KLHL29: variants seen among roughly 807,000 people sequenced by gnomAD.
KLHL29 encodes the protein kelch-like protein 29.
A neutral mutation model predicts 80.4 loss-of-function variants in KLHL29; 21 were observed. That is an observed-to-expected ratio of 0.26 (90% CI 0.19 to 0.38). The LOEUF is 0.38. Among genes scored for constraint, KLHL29 ranks in the 10% least tolerant of loss-of-function variants. The pLI, the probability that KLHL29 is intolerant of heterozygous loss-of-function variation, is 1.00. For synonymous variants in KLHL29, 511 were observed against 526.8 expected, an observed-to-expected ratio of 0.97 and a Z score of 0.41; for missense variants, 867 against 1,223.9, an observed-to-expected ratio of 0.71 and a Z score of 4.35.
chr2:23,636,655 G>A (rs942508426), intron 3 of KLHL29, among the ~76,000 whole-genome samples: 7 of 152,202 alleles, frequency 4.6e-5, no homozygotes, highest in Non-Finnish European at 7.3e-5. Flanking sequence ...GGTCACCCGT[G>A]TCCCTAGTGC....
intron 3 of KLHL29, among the ~76,000 whole-genome samples, chr2:23,632,355 C>T (rs1423157682): frequency 6.6e-6 from 1 of 152,268 alleles, no homozygotes; most frequent in Non-Finnish European, 1.5e-5. Context: ...TTCACCTTTG[C>T]AGTGCAAGAG....
chr2:23,435,251 A>AT (rs1356387622), intron 1 of KLHL29, among the ~76,000 whole-genome samples: 1 of 152,152 alleles, frequency 6.6e-6, no homozygotes, highest in Admixed American at 6.5e-5. Flanking sequence ...ACAGAGTCAG[A>AT]TTTTAGATGA....
intron 1 of KLHL29, among the ~76,000 whole-genome samples, chr2:23,400,919 A>T (rs140609445): frequency 6.6e-6 from 1 of 152,334 alleles, no homozygotes; most frequent in East Asian, 1.9e-4. Context: ...ACATGATGCA[A>T]TCATAGGCAA....
chr2:23,519,170 G>T (rs1047464090), intron 2 of KLHL29, among the ~76,000 whole-genome samples: 1 of 152,104 alleles, frequency 6.6e-6, no homozygotes, highest in Non-Finnish European at 1.5e-5. Context: ...GCCACCAAGC[G>T]GGGACAGCCT....
intron 2 of KLHL29, among the ~76,000 whole-genome samples, chr2:23,540,444 T>G (rs1666799270): frequency 6.6e-6 from 1 of 152,250 alleles, no homozygotes; most frequent in Non-Finnish European, 1.5e-5. Context: ...TGGCTAGTGC[T>G]GGTCCACATT....
Position 23,695,600 on chromosome 2 carries a change from A to G in KLHL29, c.1543-23A>G. On this transcript the variant is annotated intron_variant, in intron 8 of 13. Transcript: ENST00000486442. The surrounding 1 kb of genome is among the most constrained non-coding windows in gnomAD (Gnocchi z 7.6). ...GGCTCTCTCTTGCTAGTCTAAGAAG[A>G]TTCTGTCTCCTGTACCCTGCAGTAC... is the stretch of plus-strand genomic sequence containing the variant. 2.6e-6 allele frequency: 4 copies of G among 1,512,918 alleles called. No homozygotes were observed. Among genetic ancestry groups the G allele is most frequent in the Non-Finnish European group, 3.6e-6 (4 of 1,125,394 alleles). 93.7% of individuals were successfully genotyped at this position (1,512,918 alleles called of 1,614,324 possible).
chr2:23,409,935 G>A (rs768860636), intron 1 of KLHL29, among the ~76,000 whole-genome samples: 2 of 152,190 alleles, frequency 1.3e-5, no homozygotes, highest in African/African-American at 2.4e-5. Context: ...GGGTGAGCTG[G>A]GGAAGGAGCA....
intron 1 of KLHL29, among the ~76,000 whole-genome samples, chr2:23,449,773 C>T (rs181772914): frequency 1.5e-3 from 230 of 152,248 alleles, no homozygotes; most frequent in African/African-American, 5.2e-3. Flanking sequence ...AATGTTTAAC[C>T]TCTCCAATGG....
In KLHL29 at chr2:23,639,150, C is replaced by A. The variant is rs1031319374; in HGVS notation, c.297C>A (p.Ile99=). The change falls in exon 4 of 14, where the codon ATC becomes ATA. Residue 99 remains isoleucine (I), a synonymous_variant. Coordinates refer to ENST00000486442, the MANE Select transcript of KLHL29 (RefSeq NM_052920.2). Reference sequence around the variant, plus strand: ...TCTGCTTCCCACAGGCTCCCGGCATCTCCAAAGGGGACAGTCAGTCCCAGG... The same window carrying A: ...TCTGCTTCCCACAGGCTCCCGGCATATCCAAAGGGGACAGTCAGTCCCAGG... ...ASAVTTKAPG[I]SKGDSQSQGL... is the part of the protein sequence containing the mutation. The A allele has an allele frequency of 1.4e-5, 21 of 1,534,498 alleles. No homozygotes were observed. Among genetic ancestry groups the A allele is most frequent in the Non-Finnish European group, 1.8e-5 (21 of 1,141,406 alleles).
chr2:23,584,644 C>G (rs1044008995), intron 3 of KLHL29, among the ~76,000 whole-genome samples: 1 of 152,126 alleles, frequency 6.6e-6, no homozygotes, highest in African/African-American at 2.4e-5. Context: ...GAGGCTGGGG[C>G]GGAGGGGGGC....
At chr2:23,526,451 G>A (rs970012357) in intron 2 of KLHL29, among the ~76,000 whole-genome samples, 51 of 152,354 alleles carry the variant, frequency 3.3e-4, no homozygotes, top group African/African-American at 1.0e-3. Context: ...TGCAGGGGCC[G>A]GGGGAGGAGA....
chr2:23,636,603 C>T, intron 3 of KLHL29, among the ~76,000 whole-genome samples: 1 of 152,184 alleles, frequency 6.6e-6, no homozygotes, highest in African/African-American at 2.4e-5. Context: ...TTGAGTCCTC[C>T]CACTGTCCCA....
At chr2:23,423,018 CCTTGAATGGGTCTTGCCGACT>C (rs1427493348) in intron 1 of KLHL29, among the ~76,000 whole-genome samples, 1 of 152,228 alleles carries the variant, frequency 6.6e-6, no homozygotes, top group East Asian at 1.9e-4. Flanking sequence ...CAAAAGCAGC[CCTTGAATGGGTCTTGCCGACT>C]GGCCCTTCGG....
At chr2:23,546,339 G>T (rs2103486480) in intron 2 of KLHL29, among the ~76,000 whole-genome samples, 1 of 152,334 alleles carries the variant, frequency 6.6e-6, no homozygotes, top group Admixed American at 6.5e-5. Context: ...AGAAAAGATT[G>T]GGGCCAAGGG....
chr2:23,552,766 T>C (rs1021835202), intron 2 of KLHL29, among the ~76,000 whole-genome samples: 4 of 135,558 alleles, frequency 3.0e-5, no homozygotes, highest in Non-Finnish European at 4.7e-5. Flanking sequence ...CTTTTCTTTT[T>C]TTTTTTTTTT....
At chr2:23,686,434 G>A (rs115611893) in intron 6 of KLHL29, among the ~76,000 whole-genome samples, 2,160 of 152,246 alleles carry the variant, frequency 0.014, 21 homozygotes, top group Middle Eastern at 0.027. Context: ...CCTCTCCTGC[G>A]CCCTGGGCTT....
At chr2:23,522,608 G>A (rs924760485) in intron 2 of KLHL29, among the ~76,000 whole-genome samples, 2 of 152,152 alleles carry the variant, frequency 1.3e-5, no homozygotes, top group African/African-American at 4.8e-5. Context: ...CATCAGGTGG[G>A]GTGGGAAGGT....
At chr2:23,605,096 T>C (rs1371845178) in intron 3 of KLHL29, among the ~76,000 whole-genome samples, 2 of 149,066 alleles carry the variant, frequency 1.3e-5, no homozygotes, top group African/African-American at 2.5e-5. Flanking sequence ...CCTGTTCTTT[T>C]TCCTTTGTTG....
At chr2:23,552,610 G>C (rs1667156599) in intron 2 of KLHL29, among the ~76,000 whole-genome samples, 1 of 152,066 alleles carries the variant, frequency 6.6e-6, no homozygotes, top group African/African-American at 2.4e-5. Flanking sequence ...ACATGTGCAG[G>C]TTTCACTGGC....
Sources: allele counts gnomAD v4.1 joint callset (sites outside exome capture counted in the v4.1 genomes callset), GRCh38; gene constraint gnomAD v4.1.1; non-coding constraint Gnocchi (gnomAD v3.1); transcripts MANE v1.5; gene names NCBI Gene and HGNC (gene_info 2026-07-23, HGNC 2026-07-21).